PLXNC1: variants seen among roughly 807,000 people sequenced by gnomAD.
PLXNC1 encodes plexin-C1.
PLXNC1 carries 75 observed loss-of-function variants against 178.2 expected under a neutral mutation model. That is an observed-to-expected ratio of 0.42 (90% confidence interval 0.35 to 0.51). The LOEUF (loss-of-function observed/expected upper bound fraction) is 0.51, where lower values mean the gene tolerates loss of function less well. Ranked by LOEUF, PLXNC1 falls within the 20% of genes least tolerant of loss-of-function variation. The pLI is 0.02. For synonymous variants in PLXNC1, 790 were observed against 779.9 expected, an observed-to-expected ratio of 1.01 and a Z score of -0.22; for missense variants, 1,503 against 1,984.4, an observed-to-expected ratio of 0.76 and a Z score of 4.61.
chr12:94,185,041 C>T (rs1326291291), intron 3 of PLXNC1, among the ~76,000 whole-genome samples: 2 of 152,196 alleles, frequency 1.3e-5, no homozygotes. Context: ...TTCATAATAA[C>T]CCCATGAAGT....
intron 4 of PLXNC1, among the ~76,000 whole-genome samples, chr12:94,199,696 TA>T (rs1439782150): frequency 1.3e-5 from 2 of 152,208 alleles, no homozygotes; most frequent in African/African-American, 4.8e-5. Context: ...ATAGCAGTGC[TA>T]AGGGGCACCT....
chr12:94,160,833 G>A (rs545250708), intron 1 of PLXNC1, among the ~76,000 whole-genome samples: 1 of 152,144 alleles, frequency 6.6e-6, no homozygotes, highest in African/African-American at 2.4e-5. Context: ...CTATCAAAAT[G>A]TTTTTTCAAT....
intron 5 of PLXNC1, among the ~76,000 whole-genome samples, chr12:94,218,085 T>C (rs1188267480): frequency 1.3e-5 from 2 of 152,344 alleles, no homozygotes; most frequent in Middle Eastern, 3.4e-3. Flanking sequence ...CATATATGTA[T>C]ACAAGATAAG....
chr12:94,187,631 G>T (rs559128045), intron 4 of PLXNC1, among the ~76,000 whole-genome samples: 2 of 152,326 alleles, frequency 1.3e-5, no homozygotes, highest in South Asian at 2.1e-4. Context: ...TGCACACTCA[G>T]TGAGCAGTCT....
At chr12:94,156,226 A>G (rs371996315) in intron 1 of PLXNC1, among the ~76,000 whole-genome samples, 2 of 152,228 alleles carry the variant, frequency 1.3e-5, no homozygotes, top group East Asian at 1.9e-4. Context: ...CATCACCATC[A>G]TTACTACTAA....
At chr12:94,228,243 A>G (rs1276933033) in intron 9 of PLXNC1, among the ~76,000 whole-genome samples, 2 of 152,270 alleles carry the variant, frequency 1.3e-5, no homozygotes, top group East Asian at 3.8e-4. Context: ...TCCAGACTTT[A>G]GCAGTCTCTG....
intron 21 of PLXNC1, among the ~76,000 whole-genome samples, chr12:94,273,319 C>T (rs1965700689): frequency 1.3e-5 from 2 of 152,102 alleles, no homozygotes; most frequent in African/African-American, 4.8e-5. Context: ...TACAAGTCCT[C>T]CACCCATACT....
intron 1 of PLXNC1, among the ~76,000 whole-genome samples, chr12:94,166,212 A>G (rs1239631676): frequency 6.6e-6 from 1 of 152,140 alleles, no homozygotes; most frequent in Non-Finnish European, 1.5e-5. Context: ...GATAGCAAGC[A>G]TGGGTTATGT....
rs187639411 is a variant in PLXNC1, at chr12:94,152,684, G to C, written c.1062+2651G>C. 2.0e-5 allele frequency among the ~76,000 whole-genome samples: 3 copies of C among 152,364 alleles called. No individual in the cohort carries two copies. In the East Asian group the frequency reaches 5.8e-4, roughly 29 times the overall value. On this transcript the variant is annotated intron_variant, in intron 1 of 30. Coordinates refer to ENST00000258526, the MANE Select transcript of PLXNC1 (RefSeq NM_005761.3). ...TAATTTTAACAGTAATCCACAGGCT[G>C]CAAGGCACAAGCGGCTGGATTTGCT...
At chr12:94,262,561 G>A (rs950092503) in intron 20 of PLXNC1, 5 of 985,368 alleles carry the variant, frequency 5.1e-6, no homozygotes, top group Non-Finnish European at 4.8e-6. Context: ...TCTGAGTGGT[G>A]AGGGGGCGGC....
At chr12:94,207,581 G>T (rs1336490815) in intron 4 of PLXNC1, among the ~76,000 whole-genome samples, 1 of 152,178 alleles carries the variant, frequency 6.6e-6, no homozygotes, top group Non-Finnish European at 1.5e-5. Context: ...GACACTGAGG[G>T]ATTTGCTAAA....
chr12:94,287,177 G>C (rs1425335236), intron 23 of PLXNC1, among the ~76,000 whole-genome samples: 1 of 152,214 alleles, frequency 6.6e-6, no homozygotes, highest in Non-Finnish European at 1.5e-5. Context: ...CTGTTCCAGT[G>C]TCATTCTGTC....
chr12:94,216,398 G>A (rs1963647178), intron 5 of PLXNC1, among the ~76,000 whole-genome samples: 1 of 151,958 alleles, frequency 6.6e-6, no homozygotes, highest in Admixed American at 6.6e-5. Flanking sequence ...AAAGTAAGTG[G>A]GCCAAAACAC....
chr12:94,284,800 G>C (rs1966727278), intron 23 of PLXNC1, among the ~76,000 whole-genome samples: 2 of 152,156 alleles, frequency 1.3e-5, no homozygotes, highest in South Asian at 4.2e-4. Context: ...CACACAGATG[G>C]GGGCAGCCTC....
intron 9 of PLXNC1, among the ~76,000 whole-genome samples, chr12:94,231,582 C>A (rs1964104769): frequency 6.6e-6 from 1 of 152,160 alleles, no homozygotes; most frequent in Non-Finnish European, 1.5e-5. Flanking sequence ...AGCCCTCACA[C>A]TGTTTCATGA....
Position 94,149,079 on chromosome 12 carries a change from C to T in PLXNC1, c.108C>T (p.Asp36=). The T allele has an allele frequency of 6.4e-7, 1 of 1,568,868 alleles. No homozygotes were observed. The highest frequency in any genetic ancestry group is 8.6e-7 in the Non-Finnish European group (1 of 1,165,444). The stretch of plus-strand genomic sequence containing the variant: ...TGGCGGCTCCCGGCCGGGGCGCGGA[C>T]GAGCCCGTGTGGCGGTCGGAGCAAG... The part of the protein sequence containing the change: ...LALAAPGRGA[D]EPVWRSEQAI... Residue 36 remains aspartate, a synonymous_variant, in exon 1 of 31, where the codon GAC becomes GAT. Coordinates refer to ENST00000258526, the MANE Select transcript of PLXNC1 (RefSeq NM_005761.3).
Position 94,206,311 on chromosome 12 carries a change from A to G in PLXNC1, c.1440-3279A>G, listed in dbSNP as rs148183692. ...AGGGAGGGGGCGGTTACATACTTAT[A>G]TAGTTGAATGCCAATATCAAACTCT... On this transcript the variant is annotated intron_variant, in intron 4 of 30. Transcript: ENST00000258526. 5.7e-3 allele frequency among the ~76,000 whole-genome samples: 872 copies of G among 151,844 alleles called. 12 individuals are homozygous for G. Among genetic ancestry groups the G allele is most frequent in the African/African-American group, 0.02 (831 of 41,382 alleles).
At chr12:94,225,228 A>G (rs981021765) in intron 7 of PLXNC1, among the ~76,000 whole-genome samples, 1 of 152,222 alleles carries the variant, frequency 6.6e-6, no homozygotes, top group African/African-American at 2.4e-5. Context: ...GGGAGGCTGC[A>G]TGAGTAGCAG....
At chr12:94,167,947 G>A (rs1027222246) in intron 1 of PLXNC1, 1 of 152,158 alleles carries the variant, frequency 6.6e-6, no homozygotes, top group Non-Finnish European at 1.5e-5. Flanking sequence ...CACTTTAAAG[G>A]CTTCAGAAAT....
Sources: allele counts gnomAD v4.1 joint callset (sites outside exome capture counted in the v4.1 genomes callset), GRCh38; gene constraint gnomAD v4.1.1; transcripts MANE v1.5; gene names NCBI Gene and HGNC (gene_info 2026-07-23, HGNC 2026-07-21).